The following ZNF114 variants were observed in gnomAD, a reference collection of about 807,000 sequenced individuals.
ZNF114 encodes zinc finger protein 114.
Under a neutral mutation model 6.8 loss-of-function variants are expected in ZNF114, and 8 were observed. The ratio of observed to expected loss-of-function variants is 1.18; its 90% CI spans 0.69 to 2.13. ZNF114 has a LOEUF of 2.13. ZNF114 is among the 30% of genes most tolerant of loss of function. The pLI is 0.00. For missense variants in ZNF114, 472 were observed against 519.5 expected (o/e 0.91, Z 0.89); for synonymous variants, 169 against 185.5 (o/e 0.91, Z 0.72).
At chr19:48,282,342 T>C in intron 4 of ZNF114, 29 bp from the exon 5 acceptor site, 1 of 1,610,704 alleles carries the variant, frequency 6.2e-7, no homozygotes, top group Non-Finnish European at 8.5e-7. Flanking sequence ...AGGACACCCC[T>C]CCGAGCCAAA....
chr19:48,277,661 C>T (rs1326902944), intron 3 of ZNF114, among the ~76,000 whole-genome samples: 3 of 152,208 alleles, frequency 2.0e-5, no homozygotes, highest in Admixed American at 6.5e-5. Flanking sequence ...GCTCCCCTGC[C>T]ATCTGGCACC....
At chr19:48,282,206 A>G in intron 4 of ZNF114, 165 bp from the exon 5 acceptor site, 3 of 956,418 alleles carry the variant, frequency 3.1e-6, no homozygotes, top group South Asian at 3.3e-5. Flanking sequence ...CCACAACCTC[A>G]TCTTAATTCA....
chr19:48,281,279 C>T (rs1967982111), intron 4 of ZNF114, among the ~76,000 whole-genome samples: 1 of 152,120 alleles, frequency 6.6e-6, no homozygotes, highest in African/African-American at 2.4e-5. Flanking sequence ...CATTGATTTT[C>T]TCACAGTTCT....
rs869238604 is a variant in ZNF114 at position 48,281,894 on chromosome 19, CTTTTTTTTTTT to C, written c.10-465_10-455del. Among the ~76,000 whole-genome samples, 57 of 90,524 alleles carry C rather than the reference CTTTTTTTTTTT, an allele frequency of 6.3e-4. No homozygotes were observed. In the Admixed American group the frequency reaches 8.4e-3, roughly 13 times the overall value. 59.4% of individuals were successfully genotyped at this position (90,524 alleles called of 152,430 possible). A position where few individuals can be genotyped will look rare whatever the true frequency, so the allele number is the denominator to read the frequency against. Reference sequence around the variant, plus strand: ...CACCCAACCCCCAGTACAACCTCATCTTTTTTTTTTTTTTTTTTTTTTGAGACAGTCTCACT... The same window carrying C: ...CACCCAACCCCCAGTACAACCTCATCTTTTTTTTTTTGAGACAGTCTCACT... On this transcript the variant is annotated intron_variant, in intron 4 of 5. Transcript: ENST00000595607.
chr19:48,285,158 C>T (rs552725219), intron 5 of ZNF114, among the ~76,000 whole-genome samples: 8 of 152,284 alleles, frequency 5.3e-5, no homozygotes, highest in Non-Finnish European at 1.0e-4. Context: ...TTGCTTTCTT[C>T]CCCTTCACAT....
chr19:48,275,001 G>T (rs529146056), intron 3 of ZNF114, among the ~76,000 whole-genome samples: 20 of 151,632 alleles, frequency 1.3e-4, no homozygotes, highest in Non-Finnish European at 2.1e-4. Context: ...ACCTGGCCAG[G>T]CACGGTGACT....
At position 48,286,309 on chromosome 19, in the gene ZNF114, G is replaced by C. The variant is rs367715116; in HGVS notation, c.685G>C (p.Ala229Pro). 9 of 1,614,092 alleles carry C rather than the reference G, an allele frequency of 5.6e-6. No individual in the cohort carries two copies. In the Admixed American group the frequency reaches 6.7e-5, roughly 12 times the overall value. The part of the protein sequence containing the change: ...NRHQRNPFGK[A>P]FREDGSLRAH... ...GCACCAGCGGAATCCATTTGGAAAA[G>C]CTTTCCGTGAAGACGGATCCCTTAG... is the stretch of plus-strand genomic sequence containing the variant. The change falls in exon 6 of 6, where the codon GCT becomes CCT. Residue 229 changes from alanine to proline, a missense_variant. Coordinates refer to ENST00000595607, the MANE Select transcript of ZNF114 (RefSeq NM_153608.4).
At chr19:48,277,794 G>GGGGGGGGGGTGTGTGTGTGTGTGTGT in intron 3 of ZNF114, among the ~76,000 whole-genome samples, 1 of 119,406 alleles carries the variant, frequency 8.4e-6, no homozygotes, top group Admixed American at 8.7e-5. Flanking sequence ...GGAGGCATTG[G>GGGGGGGGGGTGTGTGTGTGTGTGTGT]GTGTGTGTGT....
At chr19:48,284,035 T>C (rs1004021627) in intron 5 of ZNF114, among the ~76,000 whole-genome samples, 1 of 151,982 alleles carries the variant, frequency 6.6e-6, no homozygotes, top group Non-Finnish European at 1.5e-5. Context: ...CTCTCATTTT[T>C]AAGGGGATCA....
chr19:48,280,805 G>A (rs1382096308), intron 4 of ZNF114, among the ~76,000 whole-genome samples: 1 of 151,690 alleles, frequency 6.6e-6, no homozygotes, highest in Non-Finnish European at 1.5e-5. Flanking sequence ...CGCCCACCTC[G>A]GCCTCCCAAA....
rs1968145101 is a variant in ZNF114 at position 48,286,793 on chromosome 19, G to A, written c.1169G>A (p.Cys390Tyr). 1.9e-6 allele frequency: 3 copies of A among 1,608,952 alleles called. No individual in the cohort carries two copies. Among genetic ancestry groups the A allele is most frequent in the Non-Finnish European group, 2.5e-6 (3 of 1,178,788 alleles). Residue 390 changes from cysteine (C) to tyrosine (Y), a missense_variant, in exon 6 of 6, where the codon TGT (cysteine) becomes TAT (tyrosine). Cys to Tyr is a radical substitution (Grantham distance 194, BLOSUM62 -2). Transcript: ENST00000595607. ...CACACTGGAGAGAAACCCTATAAAT[G>A]TAAGACATGTGGAAAAGACTTTGCA... is the stretch of plus-strand genomic sequence containing the variant. ...RSHTGEKPYKCKTCGKDFAKS... is the reference protein window; with the variant it reads ...RSHTGEKPYKYKTCGKDFAKS...
chr19:48,280,709 C>A (rs979994100), intron 4 of ZNF114, among the ~76,000 whole-genome samples: 1 of 151,882 alleles, frequency 6.6e-6, no homozygotes, highest in Non-Finnish European at 1.5e-5. Context: ...CCTGCCAGCA[C>A]GCCCGGCTAA....
In ZNF114 at chr19:48,271,272, C is replaced by T. The variant is rs1343453998; in HGVS notation, c.-349C>T. The T allele has an allele frequency of 6.6e-6, 1 of 152,196 alleles. No individual in the cohort carries two copies. Among genetic ancestry groups the T allele is most frequent in the African/African-American group, 2.4e-5 (1 of 41,452 alleles). 9.4% of individuals were successfully genotyped at this position (152,196 alleles called of 1,614,324 possible). A position where few individuals can be genotyped will look rare whatever the true frequency, so the allele number is the denominator to read the frequency against. On this transcript the variant is annotated 5_prime_UTR_variant, in exon 2 of 6. Coordinates refer to ENST00000595607, the MANE Select transcript of ZNF114 (RefSeq NM_153608.4). Reference sequence around the variant, plus strand: ...CTGAGGGGAAAAAAAAGCCTTCTTTCCTTGGGAAATGCAGGAAGCCAGCAA... The same window carrying T: ...CTGAGGGGAAAAAAAAGCCTTCTTTTCTTGGGAAATGCAGGAAGCCAGCAA...
At chr19:48,273,320 TC>T (rs1358198172) in intron 3 of ZNF114, among the ~76,000 whole-genome samples, 6 of 152,266 alleles carry the variant, frequency 3.9e-5, no homozygotes, top group Non-Finnish European at 7.4e-5. Flanking sequence ...ATGTGTTTCA[TC>T]AGCCAGGTAT....
At position 48,286,436 on chromosome 19, in the gene ZNF114, C is replaced by T. The variant is rs185252653; in HGVS notation, c.812C>T (p.Thr271Ile). Reference sequence around the variant, plus strand: ...CACGCCATGCAGATGCAGTTGTATACCGCAGAGACAAACAAGAAGGATTGT... The same window carrying T: ...CACGCCATGCAGATGCAGTTGTATATCGCAGAGACAAACAAGAAGGATTGT... ...SIHAMQMQLYTAETNKKDCQT... is the reference protein window; with the variant it reads ...SIHAMQMQLYIAETNKKDCQT... Residue 271 changes from threonine (T) to isoleucine (I), a missense_variant, in exon 6 of 6, where the codon ACC (threonine) becomes ATC (isoleucine). By Grantham distance (89) the Thr-to-Ile change is moderately conservative (BLOSUM62 -1). Coordinates refer to ENST00000595607, the MANE Select transcript of ZNF114 (RefSeq NM_153608.4). 6.0e-5 allele frequency: 97 copies of T among 1,614,202 alleles called. No individual in the cohort carries two copies. Among genetic ancestry groups the T allele is most frequent in the Non-Finnish European group, 8.0e-5 (94 of 1,180,036 alleles).
At chr19:48,282,221 C>T in intron 4 of ZNF114, 150 bp from the exon 5 acceptor site, 1 of 1,075,222 alleles carries the variant, frequency 9.3e-7, no homozygotes, top group Admixed American at 2.4e-5. Flanking sequence ...AATTCATTGA[C>T]ATCTGCAAAG....
intron 3 of ZNF114, among the ~76,000 whole-genome samples, chr19:48,274,529 A>C (rs1967775329): frequency 6.9e-6 from 1 of 145,926 alleles, no homozygotes; most frequent in Non-Finnish European, 1.5e-5. Context: ...TTTTTGAGAC[A>C]GAGTTTTTCT....
At chr19:48,281,894 C>T (rs1205981412) in intron 4 of ZNF114, among the ~76,000 whole-genome samples, 13 of 90,506 alleles carry the variant, frequency 1.4e-4, no homozygotes, top group East Asian at 7.1e-4. Flanking sequence ...ACAACCTCAT[C>T]TTTTTTTTTT....
intron 3 of ZNF114, among the ~76,000 whole-genome samples, chr19:48,274,103 TACAC>T (rs35006676): frequency 2.0e-5 from 3 of 150,880 alleles, no homozygotes; most frequent in Non-Finnish European, 4.4e-5. Flanking sequence ...TATAAATGCA[TACAC>T]ACACACATAT....
Sources: allele counts gnomAD v4.1 joint callset (sites outside exome capture counted in the v4.1 genomes callset), GRCh38; gene constraint gnomAD v4.1.1; transcripts MANE v1.5; gene names NCBI Gene and HGNC (gene_info 2026-07-23, HGNC 2026-07-21).